The following DST variants were observed in gnomAD, a reference collection of about 807,000 sequenced individuals.
The protein encoded by DST is dystonin.
In DST, 253 loss-of-function variants were observed where a neutral mutation model predicts 875.2. The ratio of observed to expected loss-of-function variants is 0.29; its 90% CI spans 0.26 to 0.32. The LOEUF (loss-of-function observed/expected upper bound fraction) is 0.32, where lower values mean the gene tolerates loss of function less well. Ranked by LOEUF, DST falls within the 10% of genes least tolerant of loss-of-function variation. The probability of loss-of-function intolerance (pLI) is 1.00; values close to 1 mark genes in which losing one functional copy is unlikely to be tolerated. For missense variants in DST, 8,287 were observed against 9,111.6 expected, an observed-to-expected ratio of 0.91 and a Z score of 3.68; for synonymous variants, 3,124 against 3,197.1, an observed-to-expected ratio of 0.98 and a Z score of 0.77.
At chr6:56,809,684 G>A (rs1393750360) in intron 4 of DST, among the ~76,000 whole-genome samples, 4 of 151,950 alleles carry the variant, frequency 2.6e-5, no homozygotes, top group East Asian at 1.9e-4. Flanking sequence ...CATAGTAAAC[G>A]TAACCATTCA....
chr6:56,500,995 G>T (rs930581887), intron 80 of DST, 85 bp downstream of exon 80: 4 of 1,306,756 alleles, frequency 3.1e-6, no homozygotes, highest in South Asian at 1.6e-5. Context: ...CTTGAAACAC[G>T]CATAAAGAAG....
At chr6:56,625,055 G>C in intron 35 of DST, 102 bp downstream of exon 35, 1 of 831,518 alleles carries the variant, frequency 1.2e-6, no homozygotes, top group South Asian at 1.4e-5. Flanking sequence ...AAAATAGTAA[G>C]TTTTATACTA....
chr6:56,681,842 A>G (rs1463057197), intron 9 of DST, among the ~76,000 whole-genome samples: 1 of 152,126 alleles, frequency 6.6e-6, no homozygotes, highest in Non-Finnish European at 1.5e-5. Context: ...CTGCTTTATC[A>G]TATATTTCAA....
chr6:56,847,278 C>T (rs1468839693), intron 4 of DST, among the ~76,000 whole-genome samples: 1 of 152,210 alleles, frequency 6.6e-6, no homozygotes, highest in Non-Finnish European at 1.5e-5. Context: ...TGTGATCATG[C>T]TAGTGCACTC....
intron 36 of DST, chr6:56,615,843 C>A (rs200037204): frequency 1.2e-6 from 2 of 1,614,148 alleles, no homozygotes; most frequent in Non-Finnish European, 1.7e-6. Flanking sequence ...TTTGCATTCA[C>A]AGCTTCCACC....
chr6:56,609,015 T>G lies in DST; in HGVS notation c.5613A>C (p.Lys1871Asn). Residue 1871 changes from lysine to asparagine, a missense_variant, in exon 40 of 104, where the codon AAA becomes AAC. Around this residue, in one of 10 missense-constraint regions of DST, gnomAD observed 3,138 missense variants for 3,116.6 expected, o/e 1.01. Transcript: ENST00000680361. ...CTGTAGAAAGCAGTATCTCAAGAAC[T>G]TTGATGGCCATGGATTCTGTTATCA... The part of the protein sequence containing the change: ...QSMITESMAI[K>N]VLEILLSTGS... The G allele has an allele frequency of 6.2e-7, 1 of 1,613,902 alleles. No individual in the cohort carries two copies. The highest frequency in any genetic ancestry group is 8.5e-7 in the Non-Finnish European group (1 of 1,179,812).
chr6:56,661,874 C>T (rs910997933), intron 10 of DST, among the ~76,000 whole-genome samples: 1 of 152,126 alleles, frequency 6.6e-6, no homozygotes, highest in African/African-American at 2.4e-5. Flanking sequence ...AGGTGTGAGT[C>T]ACCGCGCCCG....
intron 61 of DST, among the ~76,000 whole-genome samples, chr6:56,538,195 G>T (rs541336614): frequency 6.6e-6 from 1 of 152,132 alleles, no homozygotes; most frequent in African/African-American, 2.4e-5. Context: ...CCACTATGTT[G>T]TCCAGGCTGG....
chr6:56,773,883 C>T (rs1007897741), intron 4 of DST, among the ~76,000 whole-genome samples: 1 of 151,882 alleles, frequency 6.6e-6, no homozygotes, highest in South Asian at 2.1e-4. Context: ...TTTGGGAGGC[C>T]GAGGCGGGTG....
chr6:56,747,435 A>G (rs1041960484), intron 4 of DST, among the ~76,000 whole-genome samples: 3 of 152,188 alleles, frequency 2.0e-5, no homozygotes, highest in Non-Finnish European at 4.4e-5. Flanking sequence ...ATTTACTGGT[A>G]TCTGTTCTCA....
intron 4 of DST, among the ~76,000 whole-genome samples, chr6:56,801,460 G>A (rs1175028696): frequency 2.0e-5 from 3 of 152,138 alleles, no homozygotes; most frequent in Admixed American, 6.5e-5. Flanking sequence ...TACTGGGAGT[G>A]TATATTTGCT....
chr6:56,699,590 C>A, intron 9 of DST, 63 bp downstream of exon 9: 1 of 741,636 alleles, frequency 1.3e-6, no homozygotes, highest in South Asian at 1.7e-5. Flanking sequence ...CATCATTCAC[C>A]CTTCATAGGA....
chr6:56,631,428 C>G lies in DST; in HGVS notation c.3964-39G>C, dbSNP rs544534958. On this transcript the variant is annotated intron_variant, in intron 29 of 103. Coordinates refer to ENST00000680361, the MANE Select transcript of DST (RefSeq NM_001374736.1). ...AACAAACAAAGGTATCAGGCCATCACCTGTGATGAGGTGTTTTTCTTAAAC... is the reference window on the plus strand; with the variant it reads ...AACAAACAAAGGTATCAGGCCATCAGCTGTGATGAGGTGTTTTTCTTAAAC... 38 of 1,566,354 alleles carry G rather than the reference C, an allele frequency of 2.4e-5. No homozygotes were observed. In the South Asian group the frequency reaches 4.0e-4, roughly 17 times the overall value.
At chr6:56,732,879 C>G (rs1418233236) in intron 5 of DST, among the ~76,000 whole-genome samples, 1 of 152,156 alleles carries the variant, frequency 6.6e-6, no homozygotes, top group Non-Finnish European at 1.5e-5. Context: ...AATTCATATT[C>G]TCATTTCACG....
At chr6:56,711,428 T>C (rs1450588230) in intron 5 of DST, among the ~76,000 whole-genome samples, 1 of 152,134 alleles carries the variant, frequency 6.6e-6, no homozygotes, top group African/African-American at 2.4e-5. Context: ...TGAGTTTAGG[T>C]CTCTATCTTT....
chr6:56,535,068 C>T (rs1460852160), intron 63 of DST, 54 bp downstream of exon 63: 25 of 1,586,962 alleles, frequency 1.6e-5, no homozygotes, highest in Admixed American at 3.7e-5. Context: ...TGCATTTTTT[C>T]TCTTGTTATT....
chr6:56,538,946 T>C (rs1452694185), intron 61 of DST, among the ~76,000 whole-genome samples: 1 of 152,142 alleles, frequency 6.6e-6, no homozygotes, highest in Non-Finnish European at 1.5e-5. Flanking sequence ...ATTTCATTTC[T>C]ATACCACTTT....
At chr6:56,938,188 C>T (rs1475586844) in intron 2 of DST, among the ~76,000 whole-genome samples, 1 of 151,264 alleles carries the variant, frequency 6.6e-6, no homozygotes, top group African/African-American at 2.4e-5. Flanking sequence ...TGCTGGAATG[C>T]AGTGGCATGA....
chr6:56,567,546 T>G (rs922884042), intron 55 of DST, among the ~76,000 whole-genome samples: 5 of 150,848 alleles, frequency 3.3e-5, no homozygotes. Flanking sequence ...CACAGTAGAA[T>G]TCCTCTTCTT....
Sources: gnomAD v4.1 joint callset for allele counts (sites outside exome capture counted in the v4.1 genomes callset) on GRCh38, gnomAD v4.1.1 for gene constraint, gnomAD v4.1.1 regional missense constraint, MANE v1.5 for transcripts, NCBI Gene and HGNC (gene_info 2026-07-23, HGNC 2026-07-21) for gene names.